LINGO2: variants seen among roughly 807,000 people sequenced by gnomAD.
LINGO2 encodes the protein leucine-rich repeat and immunoglobulin-like domain-containing nogo receptor-interacting protein 2.
In LINGO2, 14 loss-of-function variants were observed where a neutral mutation model predicts 30.6. The ratio of observed to expected loss-of-function variants is 0.46; its 90% CI spans 0.30 to 0.72. The LOEUF is 0.72. LINGO2 is among the 30% of genes least tolerant of loss of function. The pLI, the probability that LINGO2 is intolerant of heterozygous loss-of-function variation, is 0.07. For synonymous variants in LINGO2, 317 were observed against 288.5 expected, an observed-to-expected ratio of 1.10 and a Z score of -1.00; for missense variants, 729 against 751.7, an observed-to-expected ratio of 0.97 and a Z score of 0.35.
the LINGO2 span, among the ~76,000 whole-genome samples, chr9:28,797,357 TATAGAGAGAGAG>T: frequency 6.0e-4 from 33 of 55,200 alleles, no homozygotes; most frequent in African/African-American, 2.0e-3. Context: ...TATATATATA[TATAGAGAGAGAG>T]AGAGAGAGAG....
intron 1 of LINGO2, among the ~76,000 whole-genome samples, chr9:28,503,644 T>C (rs1034683344): frequency 6.6e-6 from 1 of 152,036 alleles, no homozygotes; most frequent in Non-Finnish European, 1.5e-5. Context: ...CATGGATTAA[T>C]ATTTGTTTTA....
chr9:29,179,352 A>G, the LINGO2 span, among the ~76,000 whole-genome samples: 2 of 151,486 alleles, frequency 1.3e-5, no homozygotes, highest in Non-Finnish European at 2.9e-5. Context: ...TAACCTAGAT[A>G]TCTTTCTAGG....
At chr9:28,167,161 T>G (rs543796394) in intron 4 of LINGO2, among the ~76,000 whole-genome samples, 25 of 138,906 alleles carry the variant, frequency 1.8e-4, no homozygotes, top group African/African-American at 6.5e-4. Context: ...CACTTTTCTT[T>G]TCTCCAGCTT....
At chr9:28,822,343 A>G in the LINGO2 span, among the ~76,000 whole-genome samples, 749 of 152,296 alleles carry the variant, frequency 4.9e-3, 7 homozygotes, top group African/African-American at 0.017. Context: ...TGATCACAAT[A>G]TGGAAGTTTT....
intron 1 of LINGO2, among the ~76,000 whole-genome samples, chr9:28,576,123 C>T (rs1354947546): frequency 6.6e-6 from 1 of 152,158 alleles, no homozygotes; most frequent in African/African-American, 2.4e-5. Flanking sequence ...CTTAAATGTG[C>T]TTAGAACACT....
intron 1 of LINGO2, among the ~76,000 whole-genome samples, chr9:28,600,852 C>T (rs936315627): frequency 5.9e-5 from 9 of 152,054 alleles, no homozygotes; most frequent in African/African-American, 2.2e-4. Flanking sequence ...AATTTACACT[C>T]TGTATATAAA....
the LINGO2 span, among the ~76,000 whole-genome samples, chr9:28,717,736 A>T: frequency 6.6e-6 from 1 of 151,902 alleles, no homozygotes. Flanking sequence ...TAGTCCAGTT[A>T]CCCAGTCCTC....
At chr9:28,319,106 C>T (rs1180516025) in intron 3 of LINGO2, among the ~76,000 whole-genome samples, 1 of 152,062 alleles carries the variant, frequency 6.6e-6, no homozygotes, top group East Asian at 1.9e-4. Context: ...GTATGAACTG[C>T]CCAGCAGACA....
intron 4 of LINGO2, among the ~76,000 whole-genome samples, chr9:28,136,076 G>A (rs1827508899): frequency 6.6e-6 from 1 of 152,134 alleles, no homozygotes; most frequent in Non-Finnish European, 1.5e-5. Flanking sequence ...GTTATATCTA[G>A]TAATTCACTT....
the LINGO2 span, among the ~76,000 whole-genome samples, chr9:29,197,715 T>C: frequency 6.6e-6 from 1 of 152,092 alleles, no homozygotes; most frequent in African/African-American, 2.4e-5. Flanking sequence ...CACTGTCCTT[T>C]GCTGCACAAA....
chr9:28,668,768 C>A (rs1055263078), intron 1 of LINGO2, among the ~76,000 whole-genome samples: 4 of 152,114 alleles, frequency 2.6e-5, no homozygotes, highest in Admixed American at 6.5e-5. Context: ...GTCTTGAAAT[C>A]ATTTCAAATT....
At chr9:29,125,677 T>TAA in the LINGO2 span, among the ~76,000 whole-genome samples, 2 of 152,272 alleles carry the variant, frequency 1.3e-5, no homozygotes, top group East Asian at 3.9e-4. Context: ...GTGAAATTTC[T>TAA]TACAGTTACT....
At position 28,552,935 on chromosome 9, in the gene LINGO2, C is replaced by T. The variant is rs1822387640; in HGVS notation, c.-364-76910G>A. 1.3e-5 allele frequency among the ~76,000 whole-genome samples: 2 copies of T among 150,536 alleles called. 1 individual carries two copies. Among genetic ancestry groups the T allele is most frequent in the South Asian group, 4.2e-4 (2 of 4,806 alleles). ...GTTTTCGAGATGAAGAACCTTTTCT[C>T]ACATCTTTGAGGATATTAATCCCAG... On this transcript the variant is annotated intron_variant, in intron 1 of 5. Coordinates refer to ENST00000379992, the Ensembl canonical transcript of LINGO2.
At chr9:27,964,234 GTTATATA>G (rs942784221) in intron 5 of LINGO2, among the ~76,000 whole-genome samples, 11 of 152,010 alleles carry the variant, frequency 7.2e-5, no homozygotes, top group African/African-American at 2.4e-4. Flanking sequence ...CATCAAATGT[GTTATATA>G]TTATAACATA....
chr9:28,008,492 A>G (rs1349394329), intron 5 of LINGO2, among the ~76,000 whole-genome samples: 1 of 152,044 alleles, frequency 6.6e-6, no homozygotes, highest in African/African-American at 2.4e-5. Context: ...GAAGGAAAAA[A>G]AGGAAAAGAC....
At chr9:27,962,098 A>T (rs1210866759) in intron 5 of LINGO2, among the ~76,000 whole-genome samples, 1 of 152,154 alleles carries the variant, frequency 6.6e-6, no homozygotes, top group Admixed American at 6.6e-5. Flanking sequence ...TAGGGCAGGG[A>T]AATAGATTTT....
At chr9:28,897,015 A>G in the LINGO2 span, among the ~76,000 whole-genome samples, 1 of 152,134 alleles carries the variant, frequency 6.6e-6, no homozygotes, top group Non-Finnish European at 1.5e-5. Context: ...CCTTGAAGGT[A>G]TTAGTGGGTG....
the LINGO2 span, among the ~76,000 whole-genome samples, chr9:29,087,859 T>C: frequency 6.6e-6 from 1 of 152,148 alleles, no homozygotes; most frequent in East Asian, 1.9e-4. Flanking sequence ...GAATATTCTT[T>C]AACTTTTCTA....
At chr9:28,099,946 T>C (rs908995899) in intron 4 of LINGO2, among the ~76,000 whole-genome samples, 20 of 152,188 alleles carry the variant, frequency 1.3e-4, no homozygotes, top group African/African-American at 4.6e-4. Context: ...AGTGTGATCA[T>C]ATTACTTCTA....
Sources: allele counts gnomAD v4.1 joint callset (sites outside exome capture counted in the v4.1 genomes callset), GRCh38; gene constraint gnomAD v4.1.1; transcripts MANE v1.5; gene names NCBI Gene and HGNC (gene_info 2026-07-23, HGNC 2026-07-21).